PLOD3: variants seen among roughly 807,000 people sequenced by gnomAD.
PLOD3 encodes multifunctional procollagen lysine hydroxylase and glycosyltransferase LH3.
In PLOD3, 73 loss-of-function variants were observed where a neutral mutation model predicts 96.9. The ratio of observed to expected loss-of-function variants is 0.75; its 90% CI spans 0.62 to 0.92. The LOEUF (loss-of-function observed/expected upper bound fraction) is 0.92. Among genes scored for constraint, PLOD3 ranks in the 40% least tolerant of loss-of-function variants. The pLI, the probability that PLOD3 is intolerant of heterozygous loss-of-function variation, is 0.00. For missense variants in PLOD3, 1,004 were observed against 1,004.3 expected, an observed-to-expected ratio of 1.00 and a Z score of 0.00; for synonymous variants, 454 against 413.7, an observed-to-expected ratio of 1.10 and a Z score of -1.18.
At chr7:101,216,599 A>T in intron 2 of PLOD3, 53 bp from the exon 3 acceptor site, 1 of 1,611,908 alleles carries the variant, frequency 6.2e-7, no homozygotes. Flanking sequence ...TGTGGGGGGA[A>T]CTCCTGACCA....
chr7:101,210,521 C>T lies in PLOD3; in HGVS notation c.1500+11G>A. The T allele has an allele frequency of 1.2e-6, 2 of 1,614,174 alleles. No individual in the cohort carries two copies. Among genetic ancestry groups the T allele is most frequent in the Non-Finnish European group, 1.7e-6 (2 of 1,180,026 alleles). On this transcript the variant is annotated intron_variant, in intron 13 of 18. Transcript: ENST00000223127. The stretch of plus-strand genomic sequence containing the variant: ...GACTGCCCCCAGGCCAGACCGTGCA[C>T]CCGCGCTCACCTTGTCTCGAAAGCT...
chr7:101,210,863 G>A (rs1400750738), intron 12 of PLOD3, 190 bp from the exon 13 acceptor site: 4 of 609,324 alleles, frequency 6.6e-6, no homozygotes, highest in Non-Finnish European at 1.2e-5. Context: ...ACCCCAAGCT[G>A]TGGCACTTCT....
rs890525507 is a variant in PLOD3, at chr7:101,209,319, G to A, written c.1684-362C>T. On this transcript the variant is annotated intron_variant, in intron 15 of 18. Coordinates refer to ENST00000223127, the MANE Select transcript of PLOD3 (RefSeq NM_001084.5). ...CCTTCTGGGCTCAAGCGATCCTCCC[G>A]CCTCAGACTCCCAAGTAGCTGGAAC... 4.0e-5 allele frequency among the ~76,000 whole-genome samples: 6 copies of A among 151,000 alleles called. No individual in the cohort carries two copies. The East Asian group carries it at 5.9e-4, about 15-fold the overall frequency.
At position 101,208,838 on chromosome 7, in the gene PLOD3, C is replaced by T. The variant is rs193288190; in HGVS notation, c.1788+15G>A. The T allele has an allele frequency of 1.1e-4, 168 of 1,547,694 alleles. No homozygotes were observed. Among genetic ancestry groups the T allele is most frequent in the East Asian group, 6.5e-4 (29 of 44,546 alleles). On this transcript the variant is annotated intron_variant, in intron 16 of 18. Coordinates refer to ENST00000223127, the MANE Select transcript of PLOD3 (RefSeq NM_001084.5). ...CCTCTGGGAAGGCCTCTGCCCTCCT[C>T]GCCCAGGCCCTTACCTCATGCCGGC...
chr7:101,208,584 G>A (rs995772149), intron 16 of PLOD3: 16 of 435,230 alleles, frequency 3.7e-5, no homozygotes, highest in South Asian at 2.7e-4. Flanking sequence ...ACAGGGTCTC[G>A]CTATGTTGCC....
Position 101,206,374 on chromosome 7 carries a change from T to C in PLOD3, c.2124A>G (p.Ala708=), listed in dbSNP as rs201504279. 185 of 1,613,202 alleles carry C rather than the reference T, an allele frequency of 1.1e-4. No individual in the cohort carries two copies. In the Admixed American group the frequency reaches 3.0e-3, roughly 26 times the overall value. ...GGGTGAGGCGGCCGGGGTGCAGGAG[T>C]GCCCAGCCCTTCCTCGGGGAGGAGA... The part of the protein sequence containing the change: ...CVISSPRKGW[A]LLHPGRLTHY... Residue 708 remains alanine (A), a synonymous_variant, in exon 19 of 19, where the codon GCA becomes GCG. Coordinates refer to ENST00000223127, the MANE Select transcript of PLOD3 (RefSeq NM_001084.5).
chr7:101,215,238 T>G, intron 5 of PLOD3, 86 bp from the exon 6 acceptor site: 1 of 1,049,678 alleles, frequency 9.5e-7, no homozygotes, highest in Non-Finnish European at 1.5e-6. Context: ...CTTTTTTTCT[T>G]CTCTTGCTTT....
intron 6 of PLOD3, 164 bp from the exon 7 acceptor site, chr7:101,213,368 G>A: frequency 1.5e-6 from 1 of 682,372 alleles, no homozygotes; most frequent in Admixed American, 2.1e-5. Flanking sequence ...TTCTGACCAG[G>A]CTGCTGGCCC....
Position 101,210,312 on chromosome 7 carries a change from G to C in PLOD3, c.1614+19C>G. The C allele has an allele frequency of 6.3e-7, 1 of 1,595,362 alleles. No individual in the cohort carries two copies. The highest frequency in any genetic ancestry group is 1.1e-5 in the South Asian group (1 of 90,522). ...AAGGCGGGGAACCTGTGTGCTCTGG[G>C]CGTGGGGTCCCCACTCACGACGGGG... On this transcript the variant is annotated intron_variant, in intron 14 of 18. Transcript: ENST00000223127.
chr7:101,213,281 G>T, intron 6 of PLOD3, 77 bp from the exon 7 acceptor site: 2 of 956,104 alleles, frequency 2.1e-6, no homozygotes, highest in Non-Finnish European at 3.4e-6. Context: ...TAAATATGGG[G>T]TCCCAAATTC....
chr7:101,212,579 A>G lies in PLOD3; in HGVS notation c.956T>C (p.Leu319Pro). 1 of 1,613,868 alleles carries G rather than the reference A, an allele frequency of 6.2e-7. No individual in the cohort carries two copies. The highest frequency in any genetic ancestry group is 8.5e-7 in the Non-Finnish European group (1 of 1,179,878). The change falls in exon 9 of 19, where the codon CTA becomes CCA. Residue 319 changes from leucine to proline, a missense_variant. Around this residue, in one of 5 missense-constraint regions of PLOD3, gnomAD observed 690 missense variants for 650.2 expected, o/e 1.06. Transcript: ENST00000223127. ...PFLPRFLQRL[L>P]LLDYPPDRVT... Reference sequence around the variant, plus strand: ...CCTGTCGGGGGGATAGTCCAGGAGTAGCAGCCGCTGCAGGAAGCGGGGCAG... The same window carrying G: ...CCTGTCGGGGGGATAGTCCAGGAGTGGCAGCCGCTGCAGGAAGCGGGGCAG...
rs776439156 is a variant in PLOD3 at position 101,212,646 on chromosome 7, G to A, written c.889C>T (p.Arg297Trp). The A allele has an allele frequency of 3.0e-5, 49 of 1,612,682 alleles. No individual in the cohort carries two copies. Among genetic ancestry groups the A allele is most frequent in the East Asian group, 2.0e-4 (9 of 44,864 alleles). The change falls in exon 9 of 19, where the codon CGG becomes TGG. Residue 297 changes from arginine (R) to tryptophan (W), a missense_variant. Physicochemically the swap from Arg to Trp is moderately radical, Grantham distance 101 (BLOSUM62 -3). Coordinates refer to ENST00000223127, the MANE Select transcript of PLOD3 (RefSeq NM_001084.5). ...RTLPGGQPPPRVFLAVFVEQP... is the reference protein window; with the variant it reads ...RTLPGGQPPPWVFLAVFVEQP... Reference sequence around the variant, plus strand: ...TCCACAAACACGGCCAGAAACACCCGGGGGGGAGGCTGGAAGATGCAACAC... The same window carrying A: ...TCCACAAACACGGCCAGAAACACCCAGGGGGGAGGCTGGAAGATGCAACAC...
At position 101,212,592 on chromosome 7, in the gene PLOD3, G is replaced by C; in HGVS notation, c.943C>G (p.Leu315Val). 1.2e-6 allele frequency: 2 copies of C among 1,613,916 alleles called. No homozygotes were observed. The highest frequency in any genetic ancestry group is 2.2e-5 in the South Asian group (2 of 91,084). The change falls in exon 9 of 19, where the codon CTG (leucine) becomes GTG (valine). Residue 315 changes from leucine (L) to valine (V), a missense_variant. By Grantham distance (32) the Leu-to-Val change is conservative. This residue lies in a region of PLOD3 where 690 missense variants were observed against 650.2 expected (regional missense o/e 1.06). Coordinates refer to ENST00000223127, the MANE Select transcript of PLOD3 (RefSeq NM_001084.5). ...TAGTCCAGGAGTAGCAGCCGCTGCA[G>C]GAAGCGGGGCAGAAACGGAGTAGGC... Reference protein sequence around the residue: ...EQPTPFLPRFLQRLLLLDYPP... With the variant: ...EQPTPFLPRFVQRLLLLDYPP...
At chr7:101,212,016 C>T in intron 10 of PLOD3, 66 bp from the exon 11 acceptor site, 1 of 1,167,974 alleles carries the variant, frequency 8.6e-7, no homozygotes, top group Non-Finnish European at 1.2e-6. Flanking sequence ...GTAACTGGCC[C>T]ATGCCCCCAG....
At chr7:101,206,541 G>T in intron 18 of PLOD3, 105 bp from the exon 19 acceptor site, 1 of 1,116,254 alleles carries the variant, frequency 9.0e-7, no homozygotes, top group Non-Finnish European at 1.3e-6. Context: ...CGGTGCAGCA[G>T]ACCGGGGTGA....
At chr7:101,213,609 T>G (rs1463170510) in intron 6 of PLOD3, 1 of 206,842 alleles carries the variant, frequency 4.8e-6, no homozygotes, top group African/African-American at 2.4e-5. Context: ...CTCTGCCTCC[T>G]GAGTTCAAAA....
Position 101,215,926 on chromosome 7 carries a change from G to A in PLOD3, c.597C>T (p.Tyr199=). The change falls in exon 5 of 19, where the codon TAC becomes TAT. Residue 199 remains tyrosine, a synonymous_variant. Transcript: ENST00000223127. The part of the protein sequence containing the change: ...DDDQLFYTRL[Y]LDPGLREKLS... ...TCCCTACCCTCAGTCCTGGGTCCAG[G>A]TAGAGCCGTGTGTAGAACAGCTGGT... 6.2e-7 allele frequency: 1 copy of A among 1,612,326 alleles called. No individual in the cohort carries two copies. The highest frequency in any genetic ancestry group is 8.5e-7 in the Non-Finnish European group (1 of 1,178,392).
chr7:101,210,265 C>A, intron 14 of PLOD3, 66 bp downstream of exon 14: 2 of 1,512,344 alleles, frequency 1.3e-6, no homozygotes, highest in Middle Eastern at 3.4e-4. Context: ...GCAGCCATCA[C>A]GTTTGGTGTC....
chr7:101,214,483 C>CA (rs1798237278), intron 6 of PLOD3, among the ~76,000 whole-genome samples: 1 of 152,190 alleles, frequency 6.6e-6, no homozygotes, highest in South Asian at 2.1e-4. Context: ...AACCCCTCCA[C>CA]AAGCTGTTTT....
Sources: gnomAD v4.1 joint callset for allele counts (sites outside exome capture counted in the v4.1 genomes callset) on GRCh38, gnomAD v4.1.1 for gene constraint, gnomAD v4.1.1 regional missense constraint, MANE v1.5 for transcripts, NCBI Gene and HGNC (gene_info 2026-07-23, HGNC 2026-07-21) for gene names.